Variants in HCN1 observed in about 807,000 individuals in gnomAD.
The protein encoded by HCN1 is potassium/sodium hyperpolarization-activated cyclic nucleotide-gated channel 1.
Under a neutral mutation model 78.9 loss-of-function variants are expected in HCN1, and 13 were observed. The observed-to-expected ratio is 0.16, with a 90% CI of 0.11 to 0.26. HCN1 has a LOEUF of 0.26. Among genes scored for constraint, HCN1 ranks in the 10% least tolerant of loss-of-function variants. HCN1 has a pLI of 1.00. For synonymous variants in HCN1, 552 were observed against 455.5 expected, an observed-to-expected ratio of 1.21 and a Z score of -2.70; for missense variants, 810 against 1,154.3, an observed-to-expected ratio of 0.70 and a Z score of 4.32.
At chr5:45,399,696 C>A (rs1339954302) in intron 3 of HCN1, among the ~76,000 whole-genome samples, 1 of 152,104 alleles carries the variant, frequency 6.6e-6, no homozygotes, top group Non-Finnish European at 1.5e-5. Context: ...AACCTTGGAA[C>A]TGCACATAGT....
chr5:45,336,443 G>T (rs534032240), intron 5 of HCN1, among the ~76,000 whole-genome samples: 11 of 152,038 alleles, frequency 7.2e-5, no homozygotes, highest in Admixed American at 5.9e-4. Flanking sequence ...TTCCCAGAAG[G>T]CTGACAATTC....
chr5:45,651,121 G>A (rs181066178), intron 1 of HCN1, among the ~76,000 whole-genome samples: 13 of 151,960 alleles, frequency 8.6e-5, no homozygotes, highest in East Asian at 7.7e-4. Context: ...TTCCTGACAC[G>A]GTACCAGATT....
At chr5:45,583,829 G>A (rs190358339) in intron 2 of HCN1, among the ~76,000 whole-genome samples, 1 of 152,028 alleles carries the variant, frequency 6.6e-6, no homozygotes. Flanking sequence ...CATGTAGTTG[G>A]CAGTTTTGAG....
At chr5:45,685,478 C>G (rs1739785741) in intron 1 of HCN1, among the ~76,000 whole-genome samples, 1 of 152,168 alleles carries the variant, frequency 6.6e-6, no homozygotes, top group African/African-American at 2.4e-5. Context: ...CTTTAGGAGG[C>G]CGAGCCGGGC....
chr5:45,671,141 T>A (rs963480122), intron 1 of HCN1, among the ~76,000 whole-genome samples: 5 of 151,630 alleles, frequency 3.3e-5, no homozygotes, highest in Non-Finnish European at 5.9e-5. Context: ...CCTTCCTTAA[T>A]AGCCCCATCA....
At chr5:45,582,983 T>A (rs1282638150) in intron 2 of HCN1, among the ~76,000 whole-genome samples, 2 of 14,112 alleles carry the variant, frequency 1.4e-4, no homozygotes, top group Non-Finnish European at 4.1e-4. Context: ...AAAATTCTCT[T>A]TTTTTTTTTT....
intron 3 of HCN1, among the ~76,000 whole-genome samples, chr5:45,413,179 AG>A: frequency 6.6e-6 from 1 of 152,232 alleles, no homozygotes; most frequent in East Asian, 1.9e-4. Flanking sequence ...AACTTAGAGT[AG>A]GAAATAGCTA....
At chr5:45,516,907 G>A (rs556366577) in intron 2 of HCN1, among the ~76,000 whole-genome samples, 356 of 151,792 alleles carry the variant, frequency 2.3e-3, no homozygotes, top group African/African-American at 8.2e-3. Context: ...TAACTTATTA[G>A]TTATCTCATT....
At chr5:45,490,718 T>C (rs1237854353) in intron 2 of HCN1, among the ~76,000 whole-genome samples, 2 of 152,162 alleles carry the variant, frequency 1.3e-5, no homozygotes, top group East Asian at 3.9e-4. Context: ...GCCACATAAA[T>C]ATACATACCT....
intron 2 of HCN1, among the ~76,000 whole-genome samples, chr5:45,494,549 T>A (rs1324922058): frequency 6.6e-6 from 1 of 151,928 alleles, no homozygotes; most frequent in Non-Finnish European, 1.5e-5. Flanking sequence ...ATTTTGTGGG[T>A]TGCCTGTTCA....
At chr5:45,408,926 A>G (rs1739976904) in intron 3 of HCN1, among the ~76,000 whole-genome samples, 1 of 152,148 alleles carries the variant, frequency 6.6e-6, no homozygotes, top group Non-Finnish European at 1.5e-5. Context: ...AGAAGAGTTA[A>G]GAATGTCTTT....
At chr5:45,389,399 T>C (rs1418634012) in intron 4 of HCN1, among the ~76,000 whole-genome samples, 1 of 152,170 alleles carries the variant, frequency 6.6e-6, no homozygotes, top group Non-Finnish European at 1.5e-5. Flanking sequence ...ATCTCGCCTG[T>C]ACATTTCCAC....
chr5:45,645,284 T>C lies in HCN1; in HGVS notation c.750A>G (p.Thr250=), dbSNP rs1745528565. 6.2e-7 allele frequency: 1 copy of C among 1,613,658 alleles called. No homozygotes were observed. The highest frequency in any genetic ancestry group is 8.5e-7 in the Non-Finnish European group (1 of 1,179,788). ...ACCTCACAATGCGAAGTGCCCTGGC[T>C]GTCTTGTAAACTTCAGAATCCATTC... ...EKGMDSEVYK[T]ARALRIVRFT... The change falls in exon 2 of 8, where the codon ACA becomes ACG. Residue 250 remains threonine, a synonymous_variant. Coordinates refer to ENST00000303230, the MANE Select transcript of HCN1 (RefSeq NM_021072.4).
intron 2 of HCN1, among the ~76,000 whole-genome samples, chr5:45,528,055 T>C (rs995266741): frequency 1.4e-4 from 22 of 151,894 alleles, no homozygotes; most frequent in African/African-American, 5.1e-4. Context: ...AGAAGGAGGG[T>C]TACTCTGGTG....
intron 3 of HCN1, among the ~76,000 whole-genome samples, chr5:45,431,486 T>A (rs1407636306): frequency 6.6e-6 from 1 of 152,202 alleles, no homozygotes; most frequent in East Asian, 1.9e-4. Flanking sequence ...GCTTTTGGCA[T>A]CTTTATCATG....
intron 1 of HCN1, among the ~76,000 whole-genome samples, chr5:45,669,672 T>C (rs1188669503): frequency 6.6e-6 from 1 of 151,778 alleles, no homozygotes; most frequent in Non-Finnish European, 1.5e-5. Context: ...ATTTGAAAAT[T>C]TCTCTGAGAG....
At chr5:45,315,520 C>A (rs1240533375) in intron 5 of HCN1, among the ~76,000 whole-genome samples, 1 of 152,032 alleles carries the variant, frequency 6.6e-6, no homozygotes, top group Non-Finnish European at 1.5e-5. Context: ...AAAGCAAGAG[C>A]AAACACATTC....
At position 45,260,814 on chromosome 5, in the gene HCN1, C is replaced by T. The variant is rs1285230021; in HGVS notation, c.*1107G>A. ...AGCCTTATAGGAATTATAAGATAGG[C>T]AATTAATGAATTGTTATGCTTTTCT... On this transcript the variant is annotated 3_prime_UTR_variant, in exon 8 of 8. Coordinates refer to ENST00000303230, the MANE Select transcript of HCN1 (RefSeq NM_021072.4). 6.6e-6 allele frequency: 1 copy of T among 152,514 alleles called. No individual in the cohort carries two copies. Among genetic ancestry groups the T allele is most frequent in the Non-Finnish European group, 1.5e-5 (1 of 68,010 alleles). 9.4% of individuals were successfully genotyped at this position (152,514 alleles called of 1,614,324 possible). A position where few individuals can be genotyped will look rare whatever the true frequency, so the allele number is the denominator to read the frequency against.
At chr5:45,605,229 ACTAT>A (rs1319501535) in intron 2 of HCN1, among the ~76,000 whole-genome samples, 4 of 152,006 alleles carry the variant, frequency 2.6e-5, no homozygotes, top group South Asian at 2.1e-4. Flanking sequence ...AATCTAACCT[ACTAT>A]CTAACAACTT....
Sources: gnomAD v4.1 joint callset for allele counts (sites outside exome capture counted in the v4.1 genomes callset) on GRCh38, gnomAD v4.1.1 for gene constraint, MANE v1.5 for transcripts, NCBI Gene and HGNC (gene_info 2026-07-23, HGNC 2026-07-21) for gene names.